OR6N1: variants seen among roughly 807,000 people sequenced by gnomAD.
The protein encoded by OR6N1 is olfactory receptor family 6 subfamily N member 1, also known as olfactory receptor 6N1.
For missense variants in OR6N1, 394 were observed against 371.7 expected, an observed-to-expected ratio of 1.06 and a Z score of -0.49; for synonymous variants, 170 against 150.7, an observed-to-expected ratio of 1.13 and a Z score of -0.94.
At chr1:158,790,963 G>T in the OR6N1 span, among the ~76,000 whole-genome samples, 7 of 152,092 alleles carry the variant, frequency 4.6e-5, no homozygotes, top group African/African-American at 9.7e-5. Flanking sequence ...TTTGTTGAGG[G>T]TTTTTATCGT....
chr1:158,801,233 G>C, the OR6N1 span, among the ~76,000 whole-genome samples: 235 of 152,048 alleles, frequency 1.5e-3, 1 homozygote, highest in African/African-American at 5.4e-3. Context: ...AAAAAGGTGG[G>C]GGTGGCGGTG....
chr1:158,828,512 G>A, the OR6N1 span, among the ~76,000 whole-genome samples: 1 of 152,162 alleles, frequency 6.6e-6, no homozygotes, highest in Middle Eastern at 3.2e-3. Flanking sequence ...TCACATCCAG[G>A]TCATATTGAT....
rs769808475 is a variant in OR6N1, at chr1:158,766,205, T to C, written c.478A>G (p.Ile160Val). 2 of 1,613,824 alleles carry C rather than the reference T, an allele frequency of 1.2e-6. No homozygotes were observed. The highest frequency in any genetic ancestry group is 2.2e-5 in the South Asian group (2 of 91,070). The part of the protein sequence containing the change: ...LGGLAGPVVE[I>V]SLISRLPFCG... Reference sequence around the variant, plus strand: ...AATGGGAGGCGTGAAATCAAGGAAATTTCAACTACTGGCCCAGCCAAGCCT... The same window carrying C: ...AATGGGAGGCGTGAAATCAAGGAAACTTCAACTACTGGCCCAGCCAAGCCT... The change falls in exon 2 of 2, where the codon ATT becomes GTT. Residue 160 changes from isoleucine (I) to valine (V), a missense_variant. Transcript: ENST00000641846.
the OR6N1 span, among the ~76,000 whole-genome samples, chr1:158,833,878 T>C: frequency 6.6e-6 from 1 of 152,220 alleles, no homozygotes; most frequent in African/African-American, 2.4e-5. Context: ...GAAGTGAAAT[T>C]ACTGAATCAT....
chr1:158,813,997 GC>G, the OR6N1 span, among the ~76,000 whole-genome samples: 1 of 152,114 alleles, frequency 6.6e-6, no homozygotes, highest in South Asian at 2.1e-4. Flanking sequence ...ACCATGCCTA[GC>G]CAGATGTACT....
At chr1:158,803,106 G>A in the OR6N1 span, among the ~76,000 whole-genome samples, 3 of 152,142 alleles carry the variant, frequency 2.0e-5, no homozygotes, top group African/African-American at 7.2e-5. Flanking sequence ...AGATACGGAG[G>A]TAACCATAAA....
the OR6N1 span, among the ~76,000 whole-genome samples, chr1:158,791,090 T>C: frequency 6.6e-6 from 1 of 152,236 alleles, no homozygotes; most frequent in African/African-American, 2.4e-5. Flanking sequence ...GTATGTTGAA[T>C]CCTCCTGCAT....
chr1:158,803,971 A>T, the OR6N1 span, among the ~76,000 whole-genome samples: 5 of 152,212 alleles, frequency 3.3e-5, no homozygotes, highest in African/African-American at 1.2e-4. Flanking sequence ...TGAGCTTAGA[A>T]GCCAATACTG....
At chr1:158,826,571 C>T in the OR6N1 span, among the ~76,000 whole-genome samples, 12 of 152,002 alleles carry the variant, frequency 7.9e-5, 1 homozygote, top group Non-Finnish European at 1.8e-4. Flanking sequence ...AGAGGGGGTA[C>T]ACAAACAAGT....
At chr1:158,787,635 TCA>T in the OR6N1 span, among the ~76,000 whole-genome samples, 15,890 of 133,630 alleles carry the variant, frequency 0.12, 775 homozygotes, top group African/African-American at 0.17. Context: ...TCTCTCTCTC[TCA>T]CACACACACA....
At chr1:158,803,287 T>C in the OR6N1 span, among the ~76,000 whole-genome samples, 162 of 152,308 alleles carry the variant, frequency 1.1e-3, no homozygotes, top group African/African-American at 3.7e-3. Context: ...TCTCAAATTT[T>C]TGGACAATAT....
At chr1:158,810,229 C>A in the OR6N1 span, among the ~76,000 whole-genome samples, 5 of 152,076 alleles carry the variant, frequency 3.3e-5, no homozygotes, top group African/African-American at 1.2e-4. Flanking sequence ...CCCTAATAAG[C>A]CTCATTCAGG....
At chr1:158,787,635 TCACACACACACACA>T in the OR6N1 span, among the ~76,000 whole-genome samples, 2 of 134,210 alleles carry the variant, frequency 1.5e-5, no homozygotes, top group African/African-American at 3.0e-5. Flanking sequence ...TCTCTCTCTC[TCACACACACACACA>T]CACACACACA....
At chr1:158,812,675 C>G in the OR6N1 span, among the ~76,000 whole-genome samples, 12,928 of 152,150 alleles carry the variant, frequency 0.085, 648 homozygotes, top group East Asian at 0.12. Flanking sequence ...TAAATAATTG[C>G]TTTAACTAAT....
At chr1:158,824,291 T>A in the OR6N1 span, among the ~76,000 whole-genome samples, 1 of 152,182 alleles carries the variant, frequency 6.6e-6, no homozygotes, top group African/African-American at 2.4e-5. Flanking sequence ...CCATGTAAGA[T>A]GTGACTTGCT....
chr1:158,766,580 A>G lies in OR6N1; in HGVS notation c.103T>C (p.Tyr35His), dbSNP rs1448295927. ...IYLFLLLLLI[Y>H]LMTVLGNLLI... is the part of the protein sequence containing the mutation. ...AGGTTTCCCAACACAGTCATGAGGT[A>G]AATGAGAAGCAACAAGAGGAAGAGA... The change falls in exon 2 of 2, where the codon TAC becomes CAC. Residue 35 changes from tyrosine (Y) to histidine (H), a missense_variant. Coordinates refer to ENST00000641846, the MANE Select transcript of OR6N1 (RefSeq NM_001005185.2). The G allele has an allele frequency of 1.2e-6, 2 of 1,614,106 alleles. No homozygotes were observed. Among genetic ancestry groups the G allele is most frequent in the Non-Finnish European group, 1.7e-6 (2 of 1,179,986 alleles).
the OR6N1 span, among the ~76,000 whole-genome samples, chr1:158,837,928 T>C: frequency 6.6e-6 from 1 of 151,868 alleles, no homozygotes; most frequent in Non-Finnish European, 1.5e-5. Flanking sequence ...TCTAAAGTTA[T>C]AGCAATCTAT....
upstream of OR6N1, chr1:158,775,931 C>A (rs909594938): frequency 1.3e-5 from 2 of 152,074 alleles, no homozygotes; most frequent in African/African-American, 4.8e-5. Context: ...CCAATCCAGG[C>A]AGTGTTGATA....
At chr1:158,778,618 A>T in the OR6N1 span, among the ~76,000 whole-genome samples, 25 of 152,190 alleles carry the variant, frequency 1.6e-4, no homozygotes, top group Middle Eastern at 6.8e-3. Context: ...CATAAGTAAA[A>T]TTTAACTATT....
Sources: gnomAD v4.1 joint callset for allele counts (sites outside exome capture counted in the v4.1 genomes callset) on GRCh38, gnomAD v4.1.1 for gene constraint, MANE v1.5 for transcripts, NCBI Gene and HGNC (gene_info 2026-07-23, HGNC 2026-07-21) for gene names.